Variants in UACA observed in about 807,000 individuals in gnomAD.
The protein encoded by UACA is nuclear membrane binding protein.
In UACA, 112 loss-of-function variants were observed where a neutral mutation model predicts 160.5. The ratio of observed to expected loss-of-function variants is 0.70; its 90% CI spans 0.60 to 0.82. The LOEUF is 0.82. UACA is among the 40% of genes least tolerant of loss of function. UACA has a pLI of 0.00. For missense variants in UACA, 1,574 were observed against 1,614.6 expected (o/e 0.97, Z 0.43); for synonymous variants, 557 against 568.4 (o/e 0.98, Z 0.29).
chr15:70,749,431 CAGG>C (rs1273703484), intron 1 of UACA: 1 of 172,414 alleles, frequency 5.8e-6, no homozygotes, highest in Non-Finnish European at 1.3e-5. Context: ...GAGGCTGAGG[CAGG>C]AGAATGACGT....
chr15:70,696,742 AC>A (rs1251605928), intron 2 of UACA, among the ~76,000 whole-genome samples: 2 of 152,146 alleles, frequency 1.3e-5, no homozygotes, highest in East Asian at 3.8e-4. Context: ...CACCATTAGA[AC>A]CTTTTGAAGA....
intron 1 of UACA, among the ~76,000 whole-genome samples, chr15:70,744,035 G>A (rs1472936514): frequency 6.6e-6 from 1 of 152,014 alleles, no homozygotes; most frequent in East Asian, 1.9e-4. Context: ...ACGAGGTCAG[G>A]AGATCGAGAC....
In UACA at chr15:70,687,596, T is replaced by C. The variant is rs147378902; in HGVS notation, c.546A>G (p.Ile182Met). Residue 182 changes from isoleucine (I) to methionine (M), a missense_variant, in exon 7 of 19, where the codon ATA (isoleucine) becomes ATG (methionine). By Grantham distance (10) the Ile-to-Met change is conservative. Coordinates refer to ENST00000322954, the MANE Select transcript of UACA (RefSeq NM_018003.4). The part of the protein sequence containing the change: ...VLATQMSRPT[I>M]CQLLIDRGAD... ...CTCCTCTATCTATCAGCAGTTGACATATTGTTGGCCTACTCATCTGAGTAG... is the reference window on the plus strand; with the variant it reads ...CTCCTCTATCTATCAGCAGTTGACACATTGTTGGCCTACTCATCTGAGTAG... 21 of 1,613,834 alleles carry C rather than the reference T, an allele frequency of 1.3e-5. No homozygotes were observed. The African/African-American group carries it at 2.7e-4, about 21-fold the overall frequency.
intron 1 of UACA, among the ~76,000 whole-genome samples, chr15:70,724,255 G>T (rs1290538107): frequency 6.6e-6 from 1 of 152,048 alleles, no homozygotes; most frequent in Non-Finnish European, 1.5e-5. Flanking sequence ...ATAAAAGATG[G>T]TCATGGAAAT....
chr15:70,668,655 T>G lies in UACA; in HGVS notation c.2029A>C (p.Lys677Gln), dbSNP rs754023228. 1.7e-5 allele frequency: 27 copies of G among 1,614,130 alleles called. No homozygotes were observed. Among genetic ancestry groups the G allele is most frequent in the Admixed American group, 3.3e-5 (2 of 60,008 alleles). ...LKRELENVKA[K>Q]LAQHVKPEEH... ...TCTGGTTTGACGTGCTGAGCAAGCT[T>G]GGCCTTAACATTCTCAAGTTCTCTC... Residue 677 changes from lysine to glutamine, a missense_variant, in exon 16 of 19, where the codon AAG becomes CAG. Physicochemically the swap from Lys to Gln is moderately conservative, Grantham distance 53. Coordinates refer to ENST00000322954, the MANE Select transcript of UACA (RefSeq NM_018003.4).
chr15:70,757,913 C>T (rs1230768435), intron 1 of UACA, among the ~76,000 whole-genome samples: 1 of 152,202 alleles, frequency 6.6e-6, no homozygotes, highest in South Asian at 2.1e-4. Flanking sequence ...CTGCTTTCAA[C>T]TTGGAATTAT....
rs1276676362 is a variant in UACA at position 70,655,591 on chromosome 15, T to G, written c.*1465A>C. 2.6e-5 allele frequency: 4 copies of G among 152,142 alleles called. No individual in the cohort carries two copies. In the East Asian group the frequency reaches 5.8e-4, roughly 22 times the overall value. The allele number at this position is 152,142 out of a possible 1,614,324, so 9.4% of individuals were successfully genotyped here. A position where few individuals can be genotyped will look rare whatever the true frequency, so the allele number is the denominator to read the frequency against. On this transcript the variant is annotated 3_prime_UTR_variant, in exon 19 of 19. Transcript: ENST00000322954. The stretch of plus-strand genomic sequence containing the variant: ...TGGCCCAAAACTTGTGAAACAGAAC[T>G]CATGCTGAAGGACGACATTAATCAT...
In UACA at chr15:70,664,697, G is replaced by A. The variant is rs1234255488; in HGVS notation, c.4078C>T (p.Gln1360Ter). ...TGCTCCAGAGATTTCACTTGGTGCT[G>A]CAGAGTGTCAATCAGCTGGCTCTGC... ...KRQSQLIDTLQHQVKSLEQQL... is the reference protein window; with the variant it reads ...KRQSQLIDTL The change falls in exon 17 of 19, where the codon CAG becomes TAG. Residue 1360 changes from glutamine to a stop codon, truncating the protein, a stop_gained. Coordinates refer to ENST00000322954, the MANE Select transcript of UACA (RefSeq NM_018003.4). LOFTEE classifies it high-confidence loss of function. The A allele has an allele frequency of 6.2e-7, 1 of 1,613,284 alleles. No homozygotes were observed. The highest frequency in any genetic ancestry group is 8.5e-7 in the Non-Finnish European group (1 of 1,179,720).
intron 1 of UACA, chr15:70,702,240 T>C (rs1476697726): frequency 1.9e-6 from 2 of 1,077,406 alleles, no homozygotes; most frequent in Admixed American, 5.2e-5. Flanking sequence ...GGGACCCCAC[T>C]GGAAAACTTG....
Position 70,666,420 on chromosome 15 carries a change from C to T in UACA, c.3960+304G>A, listed in dbSNP as rs144427146. ...AGAGAGCTTCCCCACCACCCTCTTC[C>T]CCATCTTTCATATGCCACAAACCCA... On this transcript the variant is annotated intron_variant, in intron 16 of 18. Transcript: ENST00000322954. 5.8e-4 allele frequency among the ~76,000 whole-genome samples: 89 copies of T among 152,286 alleles called. 1 individual carries two copies. The East Asian group carries it at 0.017, about 28-fold the overall frequency.
chr15:70,759,728 C>G (rs1030480174), intron 1 of UACA, among the ~76,000 whole-genome samples: 1 of 152,206 alleles, frequency 6.6e-6, no homozygotes, highest in Non-Finnish European at 1.5e-5. Context: ...ATGCAGCCAT[C>G]TCCAGATTTG....
At chr15:70,687,434 C>T (rs150763191) in intron 7 of UACA, 106 bp downstream of exon 7, 1 of 997,244 alleles carries the variant, frequency 1.0e-6, no homozygotes, top group East Asian at 2.4e-5. Flanking sequence ...AGGGGAGAAC[C>T]CACAGGAAAG....
intron 1 of UACA, among the ~76,000 whole-genome samples, chr15:70,747,237 T>C (rs991418263): frequency 1.3e-5 from 2 of 149,718 alleles, no homozygotes; most frequent in Non-Finnish European, 2.9e-5. Context: ...TGTTTGTTTT[T>C]TGGGTTTTTT....
intron 10 of UACA, 52 bp from the exon 11 acceptor site, chr15:70,678,258 C>A: frequency 7.3e-7 from 1 of 1,365,680 alleles, no homozygotes; most frequent in Non-Finnish European, 1.0e-6. Flanking sequence ...AGAGCAAATT[C>A]TTAAAGGAGA....
At chr15:70,771,320 A>G in the UACA span, among the ~76,000 whole-genome samples, 3 of 152,274 alleles carry the variant, frequency 2.0e-5, no homozygotes, top group Admixed American at 6.5e-5. Flanking sequence ...AACAAAAAAT[A>G]GAAACTGACA....
chr15:70,667,089 C>G lies in UACA; in HGVS notation c.3595G>C (p.Glu1199Gln). 6.2e-7 allele frequency: 1 copy of G among 1,613,050 alleles called. No individual in the cohort carries two copies. The highest frequency in any genetic ancestry group is 8.5e-7 in the Non-Finnish European group (1 of 1,179,856). The stretch of plus-strand genomic sequence containing the variant: ...TCCGACTGAAGTTTGGAGACTTCTT[C>G]CATTTTGTTTTGGCTTTCTTCTTCC... ...EKEEESQNKM[E>Q]EVSKLQSEVQ... is the part of the protein sequence containing the mutation. Residue 1199 changes from glutamate to glutamine, a missense_variant, in exon 16 of 19, where the codon GAA (glutamate) becomes CAA (glutamine). Coordinates refer to ENST00000322954, the MANE Select transcript of UACA (RefSeq NM_018003.4).
intron 1 of UACA, among the ~76,000 whole-genome samples, chr15:70,762,894 C>T (rs1484067809): frequency 1.3e-5 from 2 of 152,216 alleles, no homozygotes; most frequent in African/African-American, 4.8e-5. Context: ...CCCACCTGCC[C>T]TACCTGGTGC....
chr15:70,683,998 A>G (rs1475157924), intron 8 of UACA, among the ~76,000 whole-genome samples: 1 of 152,034 alleles, frequency 6.6e-6, no homozygotes, highest in East Asian at 1.9e-4. Context: ...TTAGTAAAAC[A>G]CTTGACTCTT....
chr15:70,769,863 G>T, the UACA span, among the ~76,000 whole-genome samples: 4 of 152,114 alleles, frequency 2.6e-5, no homozygotes, highest in Non-Finnish European at 5.9e-5. Flanking sequence ...TGGCTGTGGT[G>T]GTGGGCACCT....
Sources: gnomAD v4.1 joint callset for allele counts (sites outside exome capture counted in the v4.1 genomes callset) on GRCh38, gnomAD v4.1.1 for gene constraint, MANE v1.5 for transcripts, NCBI Gene and HGNC (gene_info 2026-07-23, HGNC 2026-07-21) for gene names.